The following INSR variants were observed in gnomAD, a reference collection of about 807,000 sequenced individuals.
INSR encodes insulin receptor.
A neutral mutation model predicts 142.6 loss-of-function variants in INSR; 67 were observed. The ratio of observed to expected loss-of-function variants is 0.47; its 90% confidence interval spans 0.39 to 0.58. The LOEUF (loss-of-function observed/expected upper bound fraction) is 0.58, where lower values mean the gene tolerates loss of function less well. INSR is among the 20% of genes least tolerant of loss of function. INSR has a pLI of 0.00. For missense variants in INSR, 1,248 were observed against 1,833.2 expected, an observed-to-expected ratio of 0.68 and a Z score of 5.83; for synonymous variants, 756 against 743.1, an observed-to-expected ratio of 1.02 and a Z score of -0.28.
chr19:7,179,444 C>G (rs1974220298), intron 3 of INSR, among the ~76,000 whole-genome samples: 1 of 152,178 alleles, frequency 6.6e-6, no homozygotes, highest in African/African-American at 2.4e-5. Context: ...CAAGTACACC[C>G]AGGTAGTGGC....
chr19:7,242,501 G>GC, intron 2 of INSR, among the ~76,000 whole-genome samples: 1 of 122,400 alleles, frequency 8.2e-6, no homozygotes, highest in African/African-American at 5.9e-5. Flanking sequence ...TTGAAAGGCT[G>GC]AGGAGGAGGG....
At chr19:7,257,249 C>G (rs964164650) in intron 2 of INSR, among the ~76,000 whole-genome samples, 1 of 151,968 alleles carries the variant, frequency 6.6e-6, no homozygotes, top group Non-Finnish European at 1.5e-5. Context: ...CGGCCTCCCC[C>G]ACCTTATCTT....
At chr19:7,180,833 A>G (rs1164670037) in intron 3 of INSR, among the ~76,000 whole-genome samples, 1 of 152,140 alleles carries the variant, frequency 6.6e-6, no homozygotes, top group Admixed American at 6.5e-5. Context: ...ATGAAATGAG[A>G]ATGAGAACTG....
At chr19:7,230,737 G>A (rs1975944218) in intron 2 of INSR, among the ~76,000 whole-genome samples, 1 of 151,102 alleles carries the variant, frequency 6.6e-6, no homozygotes, top group African/African-American at 2.4e-5. Flanking sequence ...GAATCCGAGA[G>A]GCGGAGATTG....
chr19:7,273,529 TTTAA>T (rs1379639393), intron 1 of INSR, among the ~76,000 whole-genome samples: 1 of 151,344 alleles, frequency 6.6e-6, no homozygotes, highest in African/African-American at 2.4e-5. Context: ...TTTTTTTTTC[TTTAA>T]TTGAGACTTG....
In INSR at chr19:7,114,689, AT is replaced by A. The variant is rs1242692532; in HGVS notation, c.*2366del. ...ACTGTGCTGAAAAAAGAAAATCACT[AT>A]CCCCCATTCACCTGTTTATTTTTCT... On this transcript the variant is annotated 3_prime_UTR_variant, in exon 22 of 22. Coordinates refer to ENST00000302850, the MANE Select transcript of INSR (RefSeq NM_000208.4). The A allele has an allele frequency of 6.6e-6, 1 of 152,594 alleles. No individual in the cohort carries two copies. Among genetic ancestry groups the A allele is most frequent in the Non-Finnish European group, 1.5e-5 (1 of 68,032 alleles). 9.5% of individuals were successfully genotyped at this position (152,594 alleles called of 1,614,324 possible). A position where few individuals can be genotyped will look rare whatever the true frequency, so the allele number is the denominator to read the frequency against.
intron 13 of INSR, among the ~76,000 whole-genome samples, chr19:7,133,676 A>G (rs1972838894): frequency 6.6e-6 from 1 of 152,226 alleles, no homozygotes; most frequent in African/African-American, 2.4e-5. Context: ...AGCCTGGTCA[A>G]GATGGTGAAA....
chr19:7,268,338 C>G (rs1318794836), intron 1 of INSR: 10 of 697,674 alleles, frequency 1.4e-5, no homozygotes, highest in Non-Finnish European at 1.8e-5. Context: ...TTTTGTCAAT[C>G]CTCCCACCTC....
At chr19:7,238,032 C>T (rs1001479183) in intron 2 of INSR, among the ~76,000 whole-genome samples, 8 of 152,034 alleles carry the variant, frequency 5.3e-5, no homozygotes, top group Non-Finnish European at 1.2e-4. Flanking sequence ...TGTTTTTATA[C>T]TCATTCATTT....
chr19:7,130,895 T>C (rs1972761606), intron 14 of INSR, among the ~76,000 whole-genome samples: 1 of 150,906 alleles, frequency 6.6e-6, no homozygotes, highest in Non-Finnish European at 1.5e-5. Context: ...TTTTTATTTT[T>C]TGAGACAGAG....
chr19:7,263,999 A>G (rs6510974), intron 2 of INSR, among the ~76,000 whole-genome samples: 65,863 of 151,860 alleles, frequency 0.43, 14,879 homozygotes, highest in African/African-American at 0.56. Context: ...GAGAAATCCC[A>G]TCTCTACTAA....
At chr19:7,195,539 G>A (rs763703993) in intron 2 of INSR, among the ~76,000 whole-genome samples, 4 of 151,992 alleles carry the variant, frequency 2.6e-5, no homozygotes, top group Non-Finnish European at 5.9e-5. Context: ...GCTACTTGGG[G>A]GCTGAGGCAG....
intron 9 of INSR, among the ~76,000 whole-genome samples, chr19:7,158,688 G>A (rs1973675338): frequency 1.3e-5 from 2 of 151,966 alleles, no homozygotes; most frequent in African/African-American, 4.8e-5. Flanking sequence ...GGTAATGGCC[G>A]CACAACCACG....
At chr19:7,190,094 C>T (rs377076014) in intron 2 of INSR, among the ~76,000 whole-genome samples, 29 of 152,124 alleles carry the variant, frequency 1.9e-4, no homozygotes, top group South Asian at 8.3e-4. Context: ...TGCCTGTAAT[C>T]CCAGCACTTT....
rs10710758 is a variant in INSR, at chr19:7,132,625, CT to C, written c.2683-309del. ...TTTTTTTTCCAGACGGAGTTTCACT[CT>C]TGTTGCCCAGGCTGGAGCGCAATGG... is the stretch of plus-strand genomic sequence containing the variant. On this transcript the variant is annotated intron_variant, in intron 13 of 21. Coordinates refer to ENST00000302850, the MANE Select transcript of INSR (RefSeq NM_000208.4). 0.21 allele frequency among the ~76,000 whole-genome samples: 30,801 copies of C among 148,464 alleles called. 3,318 individuals carry two copies. The highest frequency in any genetic ancestry group is 0.34 in the Middle Eastern group (99 of 290).
At chr19:7,250,563 G>A (rs965194493) in intron 2 of INSR, among the ~76,000 whole-genome samples, 1 of 113,822 alleles carries the variant, frequency 8.8e-6, no homozygotes, top group Non-Finnish European at 1.7e-5. Context: ...AGGAAATAAA[G>A]AAAAAGGAAG....
rs1967759017 is a variant in INSR, at chr19:7,267,172, C to T, written c.652+173G>A. ...TGGCCTGCAAAATCTGAAGTATCTA[C>T]TATCTGAGTCTTTACAGAAAATGTC... is the stretch of plus-strand genomic sequence containing the variant. On this transcript the variant is annotated intron_variant, in intron 2 of 21. Coordinates refer to ENST00000302850, the MANE Select transcript of INSR (RefSeq NM_000208.4). This position sits in a 1 kb window ranked among gnomAD's most constrained non-coding sequence, Gnocchi z 6.3. 6.6e-6 allele frequency among the ~76,000 whole-genome samples: 1 copy of T among 152,144 alleles called. No homozygotes were observed. Among genetic ancestry groups the T allele is most frequent in the African/African-American group, 2.4e-5 (1 of 41,420 alleles).
chr19:7,264,067 G>T (rs1001877776), intron 2 of INSR, among the ~76,000 whole-genome samples: 5 of 152,194 alleles, frequency 3.3e-5, no homozygotes, highest in Admixed American at 3.3e-4. Context: ...TACTCGGGAG[G>T]CTGAGGCAGG....
At chr19:7,135,875 G>A (rs1176771390) in intron 13 of INSR, among the ~76,000 whole-genome samples, 1 of 151,348 alleles carries the variant, frequency 6.6e-6, no homozygotes, top group Non-Finnish European at 1.5e-5. Flanking sequence ...GGCTGAGGGA[G>A]GAGAATCACT....
Sources: gnomAD v4.1 joint callset for allele counts (sites outside exome capture counted in the v4.1 genomes callset) on GRCh38, gnomAD v4.1.1 for gene constraint, Gnocchi (gnomAD v3.1) non-coding constraint, MANE v1.5 for transcripts, NCBI Gene and HGNC (gene_info 2026-07-23, HGNC 2026-07-21) for gene names.